IMMP2L: variants seen among roughly 807,000 people sequenced by gnomAD.
The protein encoded by IMMP2L is mitochondrial inner membrane protease subunit 2.
IMMP2L carries 18 observed loss-of-function variants against 19.3 expected under a neutral mutation model. That is an observed-to-expected ratio of 0.93 (90% CI 0.64 to 1.38). The LOEUF (loss-of-function observed/expected upper bound fraction) is 1.38, where lower values mean the gene tolerates loss of function less well. IMMP2L is among the 40% of genes most tolerant of loss of function. IMMP2L has a pLI of 0.00. For missense variants in IMMP2L, 233 were observed against 218.2 expected, an observed-to-expected ratio of 1.07 and a Z score of -0.43; for synonymous variants, 76 against 73.0, an observed-to-expected ratio of 1.04 and a Z score of -0.21.
chr7:110,676,001 C>A (rs1472587529), intron 5 of IMMP2L, among the ~76,000 whole-genome samples: 1 of 152,074 alleles, frequency 6.6e-6, no homozygotes, highest in Non-Finnish European at 1.5e-5. Flanking sequence ...AAAATTAAAC[C>A]TGCAGTATAG....
intron 5 of IMMP2L, among the ~76,000 whole-genome samples, chr7:110,804,713 C>T (rs1006443783): frequency 2.6e-5 from 4 of 152,108 alleles, no homozygotes; most frequent in South Asian, 2.1e-4. Flanking sequence ...CAGCTTTCCC[C>T]GGACTTCCTC....
intron 3 of IMMP2L, among the ~76,000 whole-genome samples, chr7:111,392,528 G>C (rs1832460117): frequency 6.6e-6 from 1 of 152,080 alleles, no homozygotes; most frequent in African/African-American, 2.4e-5. Context: ...GTTTACTCAA[G>C]CCACCTCTGA....
At position 111,123,207 on chromosome 7, in the gene IMMP2L, C is replaced by G; in HGVS notation, c.240-159642G>C. 1 of 1,613,940 alleles carries G rather than the reference C, an allele frequency of 6.2e-7. No homozygotes were observed. The highest frequency in any genetic ancestry group is 8.5e-7 in the Non-Finnish European group (1 of 1,179,954). ...CCGAACTGAGCAACTTACAAGAACT[C>G]TATATTAATCACAACTTGCTTTCTA... On this transcript the variant is annotated intron_variant, in intron 3 of 5. Transcript: ENST00000405709. This position sits in a 1 kb window ranked among gnomAD's most constrained non-coding sequence, Gnocchi z 6.4.
chr7:111,473,584 G>T (rs1841459157), intron 3 of IMMP2L, among the ~76,000 whole-genome samples: 1 of 152,170 alleles, frequency 6.6e-6, no homozygotes, highest in Non-Finnish European at 1.5e-5. Flanking sequence ...AATACTGGCA[G>T]ACTGAATGAC....
chr7:111,481,316 A>G (rs1268633315), intron 3 of IMMP2L, among the ~76,000 whole-genome samples: 1 of 152,170 alleles, frequency 6.6e-6, no homozygotes, highest in African/African-American at 2.4e-5. Context: ...CAACCATAGC[A>G]TCGTACCACA....
intron 3 of IMMP2L, among the ~76,000 whole-genome samples, chr7:111,316,822 T>C (rs900510619): frequency 2.0e-5 from 3 of 150,412 alleles, no homozygotes; most frequent in African/African-American, 4.9e-5. Context: ...ATGAGAGAGA[T>C]ATTGTTGGCT....
chr7:110,886,702 A>G lies in IMMP2L; in HGVS notation c.306-7T>C. On this transcript the variant is annotated splice_polypyrimidine_tract_variant and splice_region_variant and intron_variant, in intron 4 of 5. Coordinates refer to ENST00000405709, the MANE Select transcript of IMMP2L (RefSeq NM_032549.4). ...GTTTTTGTGTCCTATGGTTCTGGAA[A>G]TAAACAGTGTAACCACTGAGATATG... 1 of 1,427,786 alleles carries G rather than the reference A, an allele frequency of 7.0e-7. No individual in the cohort carries two copies. The highest frequency in any genetic ancestry group is 9.9e-7 in the Non-Finnish European group (1 of 1,011,288). The allele number at this position is 1,427,786 out of a possible 1,614,324, so 88.4% of individuals were successfully genotyped here.
At chr7:110,927,241 T>A (rs1246286607) in intron 4 of IMMP2L, among the ~76,000 whole-genome samples, 2 of 151,938 alleles carry the variant, frequency 1.3e-5, no homozygotes, top group Non-Finnish European at 2.9e-5. Flanking sequence ...CCAACATATA[T>A]AAGGAGTTCA....
intron 1 of IMMP2L, among the ~76,000 whole-genome samples, chr7:111,540,528 CTGGGAAACCCTATATTA>C (rs1196193993): frequency 1.3e-5 from 2 of 152,156 alleles, no homozygotes; most frequent in Non-Finnish European, 2.9e-5. Flanking sequence ...ATTTTCATCT[CTGGGAAACCCTATATTA>C]GCACTGTAAC....
At chr7:111,191,092 G>C (rs1808815850) in intron 3 of IMMP2L, among the ~76,000 whole-genome samples, 2 of 152,094 alleles carry the variant, frequency 1.3e-5, no homozygotes, top group Non-Finnish European at 2.9e-5. Flanking sequence ...AAAGCATACT[G>C]CCTGACTCAC....
At chr7:111,498,059 CTG>C in intron 2 of IMMP2L, among the ~76,000 whole-genome samples, 1 of 151,886 alleles carries the variant, frequency 6.6e-6, no homozygotes, top group Non-Finnish European at 1.5e-5. Context: ...GGGAAAGCAT[CTG>C]ATTTTTATAT....
rs1194676547 is a variant in IMMP2L, at chr7:111,499,726, C to CT, written c.136-12386dup. On this transcript the variant is annotated intron_variant, in intron 2 of 5. Transcript: ENST00000405709. ...AGAGAAATGTCCTTTAATTAAGATT[C>CT]TTTTCTGTTCTCTGGAATGGTTCCC... 2.0e-5 allele frequency among the ~76,000 whole-genome samples: 3 copies of CT among 152,262 alleles called. No homozygotes were observed. The East Asian group carries it at 5.8e-4, about 29-fold the overall frequency.
chr7:111,484,674 T>C (rs1379046261), intron 3 of IMMP2L, among the ~76,000 whole-genome samples: 3 of 152,130 alleles, frequency 2.0e-5, no homozygotes, highest in Non-Finnish European at 4.4e-5. Flanking sequence ...TGATATAAAT[T>C]AAATGTATAT....
intron 3 of IMMP2L, among the ~76,000 whole-genome samples, chr7:111,349,887 G>A (rs28679405): frequency 0.026 from 3,926 of 151,884 alleles, 172 homozygotes; most frequent in African/African-American, 0.09. Flanking sequence ...TGTAGAATAA[G>A]AGTCCCCGAC....
At chr7:110,812,029 C>A (rs191072475) in intron 5 of IMMP2L, among the ~76,000 whole-genome samples, 1 of 151,964 alleles carries the variant, frequency 6.6e-6, no homozygotes, top group African/African-American at 2.4e-5. Context: ...CATATGTACT[C>A]GTCCAACCTT....
At chr7:111,498,134 T>A (rs1263883775) in intron 2 of IMMP2L, among the ~76,000 whole-genome samples, 1 of 152,098 alleles carries the variant, frequency 6.6e-6, no homozygotes, top group African/African-American at 2.4e-5. Flanking sequence ...TATTTAAGCA[T>A]CTCTTTAATT....
intron 5 of IMMP2L, among the ~76,000 whole-genome samples, chr7:110,754,674 A>G (rs11764521): frequency 5.3e-5 from 8 of 152,112 alleles, no homozygotes; most frequent in African/African-American, 1.7e-4. Context: ...AATTATAATC[A>G]AACTCATAAA....
intron 3 of IMMP2L, among the ~76,000 whole-genome samples, chr7:110,991,931 C>A (rs1822507069): frequency 6.6e-6 from 1 of 152,080 alleles, no homozygotes; most frequent in East Asian, 1.9e-4. Context: ...GTTTCCTCTG[C>A]CTGGAAAAGG....
At chr7:111,254,232 G>C (rs1304278240) in intron 3 of IMMP2L, among the ~76,000 whole-genome samples, 1 of 150,576 alleles carries the variant, frequency 6.6e-6, no homozygotes, top group Non-Finnish European at 1.5e-5. Context: ...CTTGTCTTTT[G>C]TTTTGTTTTG....
Sources: allele counts gnomAD v4.1 joint callset (sites outside exome capture counted in the v4.1 genomes callset), GRCh38; gene constraint gnomAD v4.1.1; non-coding constraint Gnocchi (gnomAD v3.1); transcripts MANE v1.5; gene names NCBI Gene and HGNC (gene_info 2026-07-23, HGNC 2026-07-21).